Variants in SDK2 observed in about 807,000 individuals in gnomAD.
SDK2 encodes sidekick cell adhesion molecule 2, also known as protein sidekick-2.
A neutral mutation model predicts 253.9 loss-of-function variants in SDK2; 105 were observed. The ratio of observed to expected loss-of-function variants is 0.41; its 90% CI spans 0.35 to 0.49. SDK2 has a LOEUF of 0.49. Ranked by LOEUF, SDK2 falls within the 20% of genes least tolerant of loss-of-function variation. SDK2 has a pLI of 0.06. For missense variants in SDK2, 2,608 were observed against 3,003.0 expected, an observed-to-expected ratio of 0.87 and a Z score of 3.07; for synonymous variants, 1,249 against 1,234.9, an observed-to-expected ratio of 1.01 and a Z score of -0.24.
chr17:73,564,253 C>T (rs1183275491), intron 1 of SDK2, among the ~76,000 whole-genome samples: 1 of 152,194 alleles, frequency 6.6e-6, no homozygotes, highest in Non-Finnish European at 1.5e-5. Context: ...CTCAGTAGCA[C>T]TGGCCACATA....
chr17:73,423,346 C>G, intron 14 of SDK2, 40 bp downstream of exon 14: 2 of 1,366,522 alleles, frequency 1.5e-6, no homozygotes, highest in South Asian at 3.8e-5. Context: ...TAAGTCCAAG[C>G]TTGGGCGGGA....
At chr17:73,406,872 C>A (rs1405605463) in intron 18 of SDK2, among the ~76,000 whole-genome samples, 1 of 152,098 alleles carries the variant, frequency 6.6e-6, no homozygotes, top group Admixed American at 6.6e-5. Flanking sequence ...ACCTCAGGAA[C>A]AAGAAGAATG....
At chr17:73,366,397 C>A (rs368076016) in intron 37 of SDK2, among the ~76,000 whole-genome samples, 1 of 152,126 alleles carries the variant, frequency 6.6e-6, no homozygotes, top group Non-Finnish European at 1.5e-5. Flanking sequence ...TTCTGGCCAC[C>A]GTCAGACCCT....
At chr17:73,539,284 T>C (rs960810671) in intron 1 of SDK2, among the ~76,000 whole-genome samples, 1 of 152,036 alleles carries the variant, frequency 6.6e-6, no homozygotes, top group African/African-American at 2.4e-5. Context: ...AAAACAACCA[T>C]TAACGGGGAC....
At chr17:73,355,774 C>T (rs971823818) in intron 40 of SDK2, among the ~76,000 whole-genome samples, 15 of 152,200 alleles carry the variant, frequency 9.9e-5, no homozygotes, top group African/African-American at 3.6e-4. Context: ...GGCACCTTCT[C>T]AGCATTTATT....
intron 3 of SDK2, among the ~76,000 whole-genome samples, chr17:73,458,861 G>C (rs1011443147): frequency 6.6e-6 from 1 of 152,104 alleles, no homozygotes; most frequent in South Asian, 2.1e-4. Flanking sequence ...AAAATTAGCC[G>C]AGCATGGTGG....
intron 2 of SDK2, among the ~76,000 whole-genome samples, chr17:73,485,797 A>T (rs1011361921): frequency 2.0e-5 from 3 of 152,260 alleles, no homozygotes; most frequent in African/African-American, 7.2e-5. Flanking sequence ...CTCCTGCTGC[A>T]CAGGCAGAGT....
intron 1 of SDK2, among the ~76,000 whole-genome samples, chr17:73,571,138 G>A (rs965175712): frequency 2.6e-5 from 4 of 151,608 alleles, no homozygotes; most frequent in African/African-American, 4.9e-5. Context: ...GTGCGATCTC[G>A]GCTCACTGTA....
chr17:73,353,805 G>A (rs528259440), intron 40 of SDK2, among the ~76,000 whole-genome samples: 2 of 145,930 alleles, frequency 1.4e-5, no homozygotes, highest in African/African-American at 2.5e-5. Flanking sequence ...CCAGGTTCAA[G>A]CTATTTTCCT....
At chr17:73,551,483 C>A (rs533609335) in intron 1 of SDK2, among the ~76,000 whole-genome samples, 1 of 152,196 alleles carries the variant, frequency 6.6e-6, no homozygotes, top group African/African-American at 2.4e-5. Context: ...CCGAGGCCTT[C>A]GGTTTTCTCC....
intron 1 of SDK2, among the ~76,000 whole-genome samples, chr17:73,588,494 A>T (rs1462204432): frequency 6.6e-6 from 1 of 151,636 alleles, no homozygotes; most frequent in Non-Finnish European, 1.5e-5. Flanking sequence ...TTTGTGACTG[A>T]GCAAGTATCC....
chr17:73,414,738 T>C lies in SDK2; in HGVS notation c.2390A>G (p.Asn797Ser). 1 of 1,613,620 alleles carries C rather than the reference T, an allele frequency of 6.2e-7. No homozygotes were observed. The highest frequency in any genetic ancestry group is 8.5e-7 in the Non-Finnish European group (1 of 1,179,716). The change falls in exon 18 of 45, where the codon AAT (asparagine) becomes AGT (serine). Residue 797 changes from asparagine to serine, a missense_variant. Around this residue, in one of 2 missense-constraint regions of SDK2, gnomAD observed 1,505 missense variants for 1,859.1 expected, o/e 0.81. Transcript: ENST00000392650. ...LQGVPTVPPG[N>S]VHAEATNSTT... ...GGAATTGGTGGCTTCCGCGTGCACA[T>C]TGCCCGGAGGGACCGTGGGAACTAG...
At chr17:73,462,003 A>G (rs562796872) in intron 3 of SDK2, among the ~76,000 whole-genome samples, 1 of 148,988 alleles carries the variant, frequency 6.7e-6, no homozygotes, top group South Asian at 2.1e-4. Flanking sequence ...TCATGGGATA[A>G]TGGTTGCATG....
At chr17:73,579,991 GAA>G (rs59008482) in intron 1 of SDK2, among the ~76,000 whole-genome samples, 4 of 127,182 alleles carry the variant, frequency 3.1e-5, no homozygotes, top group Admixed American at 8.3e-5. Flanking sequence ...AAAGAAAAAA[GAA>G]AAAAAAAAAA....
Position 73,644,157 on chromosome 17 carries a change from G to T in SDK2, c.-69C>A. 7.6e-7 allele frequency: 1 copy of T among 1,316,128 alleles called. No homozygotes were observed. The highest frequency in any genetic ancestry group is 1.1e-6 in the Non-Finnish European group (1 of 934,484). 81.5% of individuals were successfully genotyped at this position (1,316,128 alleles called of 1,614,324 possible). A position where few individuals can be genotyped will look rare whatever the true frequency, so the allele number is the denominator to read the frequency against. On this transcript the variant is annotated 5_prime_UTR_variant, in exon 1 of 45. Transcript: ENST00000392650. This position sits in a 1 kb window ranked among gnomAD's most constrained non-coding sequence, Gnocchi z 6.3. ...CGCCCTGTTTTATAATCCTGGTGGG[G>T]TCCGATACCCCGTGGCTTAGTCCCA...
chr17:73,487,230 AG>A (rs2063775242), intron 2 of SDK2, among the ~76,000 whole-genome samples: 1 of 152,236 alleles, frequency 6.6e-6, no homozygotes. Flanking sequence ...CACTGTGCCC[AG>A]CCAGTACCTT....
intron 43 of SDK2, 47 bp downstream of exon 43, chr17:73,350,190 T>TGCTGGGCCTGGCCCCCCACCC (rs2062522379): frequency 6.7e-5 from 11 of 163,692 alleles, no homozygotes; most frequent in Middle Eastern, 1.3e-3. Context: ...TCTCCCCACC[T>TGCTGGGCCTGGCCCCCCACCC]GGGCACTGCT....
intron 1 of SDK2, among the ~76,000 whole-genome samples, chr17:73,621,524 A>G (rs1482333061): frequency 6.6e-6 from 1 of 152,186 alleles, no homozygotes; most frequent in South Asian, 2.1e-4. Flanking sequence ...ATTTCATGCA[A>G]TAAATGACAA....
Position 73,462,637 on chromosome 17 carries a change from C to T in SDK2, c.332-6584G>A, listed in dbSNP as rs117992725. Among the ~76,000 whole-genome samples the T allele has an allele frequency of 1.0e-3, 156 of 152,124 alleles. 5 individuals carry two copies. In the East Asian group the frequency reaches 0.022, roughly 22 times the overall value. On this transcript the variant is annotated intron_variant, in intron 3 of 44. Transcript: ENST00000392650. ...CTGTATGGTGGGACAAAGGTATCTA[C>T]ATGTTTGCAAGCATACACGCATGTA...
Sources: gnomAD v4.1 joint callset for allele counts (sites outside exome capture counted in the v4.1 genomes callset) on GRCh38, gnomAD v4.1.1 for gene constraint, gnomAD v4.1.1 regional missense constraint, Gnocchi (gnomAD v3.1) non-coding constraint, MANE v1.5 for transcripts, NCBI Gene and HGNC (gene_info 2026-07-23, HGNC 2026-07-21) for gene names.